The following NHS variants were observed in gnomAD, a reference collection of about 807,000 sequenced individuals.
NHS encodes NHS actin remodeling regulator, also known as actin remodeling regulator NHS.
NHS carries 5 observed loss-of-function variants against 72.5 expected under a neutral mutation model. That is an observed-to-expected ratio of 0.07 (90% confidence interval 0.04 to 0.14). The LOEUF (loss-of-function observed/expected upper bound fraction) is 0.14. Among genes scored for constraint, NHS ranks in the 10% least tolerant of loss-of-function variants. NHS has a pLI of 1.00. For synonymous variants in NHS, 464 were observed against 547.7 expected, an observed-to-expected ratio of 0.85 and a Z score of 2.13; for missense variants, 1,072 against 1,355.7, an observed-to-expected ratio of 0.79 and a Z score of 3.29.
chrX:17,453,539 T>G (rs1286066294), intron 1 of NHS, among the ~76,000 whole-genome samples: 2 of 112,171 alleles, frequency 1.8e-5, no homozygotes, highest in Non-Finnish European at 3.8e-5. Flanking sequence ...ATCTTGTTAT[T>G]CAATGCATTG....
At chrX:17,442,238 G>A (rs1337428230) in intron 1 of NHS, among the ~76,000 whole-genome samples, 1 of 112,574 alleles carries the variant, frequency 8.9e-6, no homozygotes, top group African/African-American at 3.2e-5. Context: ...TCTTGCTCAT[G>A]TTACAGTCCA....
chrX:17,720,082 C>T (rs1346481991), intron 4 of NHS, among the ~76,000 whole-genome samples: 1 of 112,057 alleles, frequency 8.9e-6, no homozygotes, highest in African/African-American at 3.3e-5. Context: ...CTATTCGCTT[C>T]GCTGGGAATC....
At chrX:17,637,366 G>A (rs993995110) in intron 1 of NHS, among the ~76,000 whole-genome samples, 5 of 111,769 alleles carry the variant, frequency 4.5e-5, no homozygotes, top group African/African-American at 9.8e-5. Context: ...AGGCCTATAC[G>A]TGGCTGACAG....
intron 1 of NHS, among the ~76,000 whole-genome samples, chrX:17,537,242 T>G (rs1319674017): frequency 8.9e-6 from 1 of 112,245 alleles, no homozygotes; most frequent in Non-Finnish European, 1.9e-5. Context: ...ACTGACCAGC[T>G]AAGTTCGATC....
intron 1 of NHS, among the ~76,000 whole-genome samples, chrX:17,514,093 C>T (rs1161268847): frequency 1.8e-5 from 2 of 111,594 alleles, no homozygotes; most frequent in African/African-American, 6.5e-5. Context: ...TTCACTATCA[C>T]GAGAACACCA....
At chrX:17,557,341 A>C (rs2065383925) in intron 1 of NHS, 2 of 106,478 alleles carry the variant, frequency 1.9e-5, no homozygotes, top group African/African-American at 7.0e-5. Flanking sequence ...ATATATATAT[A>C]TATATATCTT....
intron 1 of NHS, among the ~76,000 whole-genome samples, chrX:17,446,047 C>T (rs1471415722): frequency 1.8e-5 from 2 of 110,115 alleles, no homozygotes; most frequent in Admixed American, 9.7e-5. Context: ...CATCCAAAAC[C>T]GTATCCAGGC....
intron 1 of NHS, among the ~76,000 whole-genome samples, chrX:17,393,354 C>G (rs1370398049): frequency 8.9e-6 from 1 of 111,950 alleles, no homozygotes; most frequent in African/African-American, 3.3e-5. Flanking sequence ...TGTTTAATAA[C>G]AAAGTTCTGG....
intron 1 of NHS, among the ~76,000 whole-genome samples, chrX:17,548,624 A>G (rs781261653): frequency 4.5e-5 from 5 of 112,121 alleles, no homozygotes; most frequent in Admixed American, 9.4e-5. Flanking sequence ...ATAGACATGC[A>G]TGTGCCCATA....
In NHS at chrX:17,615,249, C is replaced by CGTATATATAT. The variant is rs1569294290; in HGVS notation, c.566-72493_566-72492insGTATATATAT. Among the ~76,000 whole-genome samples, 319 of 94,699 alleles carry CGTATATATAT rather than the reference C, an allele frequency of 3.4e-3. 5 individuals carry two copies. The highest frequency in any genetic ancestry group is 0.013 in the African/African-American group (296 of 23,478). The allele number at this position is 94,699 out of a possible 115,157, so 82.2% of individuals were successfully genotyped here. A position where few individuals can be genotyped will look rare whatever the true frequency, so the allele number is the denominator to read the frequency against. ...ACACATATATATACGTATATATATA[C>CGTATATATAT]ACATATATACACATATATATATATA... On this transcript the variant is annotated intron_variant, in intron 1 of 8. Coordinates refer to ENST00000676302, the MANE Select transcript of NHS (RefSeq NM_001291867.2).
At chrX:17,423,829 G>T (rs1403082267) in intron 1 of NHS, among the ~76,000 whole-genome samples, 1 of 112,460 alleles carries the variant, frequency 8.9e-6, no homozygotes, top group Non-Finnish European at 1.9e-5. Context: ...CCTGCTGGAA[G>T]TGCTCTTCCT....
chrX:17,400,832 A>G (rs1311160441), intron 1 of NHS, among the ~76,000 whole-genome samples: 1 of 111,765 alleles, frequency 8.9e-6, no homozygotes, highest in Non-Finnish European at 1.9e-5. Flanking sequence ...TACAGATTCA[A>G]TGCAATCCAT....
At chrX:17,448,642 G>A (rs1281673391) in intron 1 of NHS, among the ~76,000 whole-genome samples, 2 of 111,787 alleles carry the variant, frequency 1.8e-5, no homozygotes, top group Non-Finnish European at 3.8e-5. Context: ...TTATGAATGA[G>A]GTTCCTCTCC....
intron 3 of NHS, among the ~76,000 whole-genome samples, chrX:17,718,599 AGAAG>A (rs1249928717): frequency 4.2e-5 from 4 of 94,627 alleles, no homozygotes; most frequent in Non-Finnish European, 8.6e-5. Flanking sequence ...GAGGAAAGAA[AGAAG>A]GAAGGAAGAA....
At chrX:17,707,845 C>T (rs1183194840) in intron 3 of NHS, among the ~76,000 whole-genome samples, 1 of 111,467 alleles carries the variant, frequency 9.0e-6, no homozygotes, top group Non-Finnish European at 1.9e-5. Flanking sequence ...CTCTTCCATC[C>T]TTCCCTTTCT....
At chrX:17,386,836 T>G (rs893191400) in intron 1 of NHS, among the ~76,000 whole-genome samples, 2 of 111,417 alleles carry the variant, frequency 1.8e-5, no homozygotes, top group Non-Finnish European at 3.8e-5. Context: ...ATGTGTGCAG[T>G]TGGTGTTTTG....
intron 1 of NHS, among the ~76,000 whole-genome samples, chrX:17,664,165 G>C (rs1218588333): frequency 9.6e-6 from 1 of 103,698 alleles, no homozygotes; most frequent in African/African-American, 3.5e-5. Context: ...TTTTAATAGT[G>C]TTCTCTTGAT....
intron 3 of NHS, among the ~76,000 whole-genome samples, chrX:17,704,321 G>C (rs2066283333): frequency 9.1e-6 from 1 of 109,566 alleles, no homozygotes; most frequent in Non-Finnish European, 1.9e-5. Context: ...TTTTGAGATG[G>C]AGTCTCACTC....
intron 1 of NHS, among the ~76,000 whole-genome samples, chrX:17,549,147 AAAAG>A (rs1201172150): frequency 9.5e-6 from 1 of 105,336 alleles, no homozygotes; most frequent in African/African-American, 3.5e-5. Context: ...AAAAAAAAAA[AAAAG>A]AAAGAAAATG....
Sources: gnomAD v4.1 joint callset for allele counts (sites outside exome capture counted in the v4.1 genomes callset) on GRCh38, gnomAD v4.1.1 for gene constraint, MANE v1.5 for transcripts, NCBI Gene and HGNC (gene_info 2026-07-23, HGNC 2026-07-21) for gene names.